Variants in FMN1 observed in about 807,000 individuals in gnomAD.
FMN1 encodes the protein formin-1.
FMN1 carries 110 observed loss-of-function variants against 132.4 expected under a neutral mutation model. The observed-to-expected ratio is 0.83, with a 90% CI of 0.71 to 0.97. The LOEUF (loss-of-function observed/expected upper bound fraction) is 0.97, where lower values mean the gene tolerates loss of function less well. Among genes scored for constraint, FMN1 ranks in the 50% least tolerant of loss-of-function variants. The probability of loss-of-function intolerance (pLI) is 0.00; values close to 1 mark genes in which losing one functional copy is unlikely to be tolerated. For missense variants in FMN1, 1,792 were observed against 1,705.3 expected (o/e 1.05, Z -0.90); for synonymous variants, 722 against 651.7 (o/e 1.11, Z -1.64).
chr15:32,811,531 T>C (rs1003371688), intron 17 of FMN1, among the ~76,000 whole-genome samples: 21 of 147,080 alleles, frequency 1.4e-4, no homozygotes, highest in African/African-American at 5.1e-4. Context: ...TTCAGAGTCA[T>C]AAAATAAAAA....
At chr15:33,123,106 CCTTT>C (rs1054798726) in intron 4 of FMN1, among the ~76,000 whole-genome samples, 1 of 150,922 alleles carries the variant, frequency 6.6e-6, no homozygotes, top group Non-Finnish European at 1.5e-5. Context: ...ATCTAGAATG[CCTTT>C]CTTTCAACGT....
intron 8 of FMN1, among the ~76,000 whole-genome samples, chr15:32,965,386 CAA>C (rs1224834579): frequency 6.6e-6 from 1 of 152,048 alleles, no homozygotes; most frequent in Non-Finnish European, 1.5e-5. Flanking sequence ...GGTAACAGAA[CAA>C]GAGTCCATCT....
intron 17 of FMN1, among the ~76,000 whole-genome samples, chr15:32,806,513 G>C (rs1322524804): frequency 6.6e-6 from 1 of 152,138 alleles, no homozygotes; most frequent in Non-Finnish European, 1.5e-5. Context: ...AAATGTAAAG[G>C]CTCCCCTGCT....
At chr15:32,855,808 G>A (rs898995644) in intron 17 of FMN1, among the ~76,000 whole-genome samples, 6 of 152,138 alleles carry the variant, frequency 3.9e-5, no homozygotes, top group African/African-American at 9.6e-5. Flanking sequence ...GGCTACTTAG[G>A]TTATATTTAC....
chr15:32,932,724 G>A (rs960672182), intron 9 of FMN1, among the ~76,000 whole-genome samples: 2 of 152,122 alleles, frequency 1.3e-5, no homozygotes, highest in Non-Finnish European at 2.9e-5. Context: ...ATTCAGTCCT[G>A]CTAGGTTGTA....
intron 2 of FMN1, among the ~76,000 whole-genome samples, chr15:33,184,755 C>T (rs62012807): frequency 0.15 from 22,446 of 152,066 alleles, 3,259 homozygotes; most frequent in African/African-American, 0.38. Flanking sequence ...CTGCCCACCT[C>T]GGCCTCCCAA....
chr15:32,924,831 T>C (rs949809223), intron 10 of FMN1, among the ~76,000 whole-genome samples: 2 of 152,306 alleles, frequency 1.3e-5, no homozygotes, highest in Admixed American at 6.5e-5. Context: ...GGAGAATCAC[T>C]TGAATCCGGG....
chr15:32,940,504 A>G (rs1277399690), intron 9 of FMN1, among the ~76,000 whole-genome samples: 7 of 152,070 alleles, frequency 4.6e-5, no homozygotes, highest in East Asian at 1.9e-4. Context: ...GGAGCTACTC[A>G]TAAGATCAGT....
chr15:32,957,160 A>G (rs766748981), intron 9 of FMN1, among the ~76,000 whole-genome samples: 3 of 152,178 alleles, frequency 2.0e-5, no homozygotes, highest in Non-Finnish European at 4.4e-5. Context: ...CTTACAGAAG[A>G]GGAAACAAAC....
chr15:33,138,112 C>T (rs1963850805), intron 4 of FMN1, among the ~76,000 whole-genome samples: 1 of 152,154 alleles, frequency 6.6e-6, no homozygotes, highest in South Asian at 2.1e-4. Context: ...ATTTGTTAAC[C>T]AGTATCCATA....
intron 9 of FMN1, among the ~76,000 whole-genome samples, chr15:32,930,022 T>G (rs987052910): frequency 7.2e-6 from 1 of 139,032 alleles, no homozygotes; most frequent in East Asian, 2.2e-4. Context: ...TGGAGTCTCG[T>G]TCTGTCATCT....
chr15:33,177,943 G>A (rs1471455826), intron 3 of FMN1, among the ~76,000 whole-genome samples: 4 of 152,180 alleles, frequency 2.6e-5, no homozygotes, highest in Non-Finnish European at 5.9e-5. Flanking sequence ...AGGAGGCAGA[G>A]GTTACAGTGA....
intron 19 of FMN1, among the ~76,000 whole-genome samples, chr15:32,779,269 A>C (rs1460810969): frequency 2.7e-5 from 4 of 148,514 alleles, no homozygotes; most frequent in African/African-American, 9.9e-5. Flanking sequence ...AAGTGATACT[A>C]ATGTGTATGG....
chr15:33,087,206 AAGG>A (rs939375777), intron 5 of FMN1, among the ~76,000 whole-genome samples: 98 of 152,358 alleles, frequency 6.4e-4, no homozygotes, highest in African/African-American at 2.1e-3. Context: ...AGTGCTTTCT[AAGG>A]AGGAGTCAAT....
intron 7 of FMN1, among the ~76,000 whole-genome samples, chr15:32,990,448 T>C (rs1054765575): frequency 2.0e-5 from 3 of 152,160 alleles, no homozygotes; most frequent in Non-Finnish European, 4.4e-5. Flanking sequence ...GACAATTACT[T>C]CATCTGTTTC....
chr15:33,093,546 C>T (rs2038976353), intron 4 of FMN1, among the ~76,000 whole-genome samples: 1 of 152,188 alleles, frequency 6.6e-6, no homozygotes, highest in African/African-American at 2.4e-5. Flanking sequence ...GATCAATGCT[C>T]ACTAATGCAA....
intron 17 of FMN1, among the ~76,000 whole-genome samples, chr15:32,852,870 A>G (rs2059041463): frequency 6.6e-6 from 1 of 152,166 alleles, no homozygotes; most frequent in African/African-American, 2.4e-5. Flanking sequence ...TTAGCAAGTC[A>G]TATTGTGACT....
At chr15:33,079,667 A>C (rs1038155382) in intron 5 of FMN1, among the ~76,000 whole-genome samples, 15 of 152,260 alleles carry the variant, frequency 9.9e-5, no homozygotes, top group African/African-American at 3.1e-4. Flanking sequence ...ATTATCTTTC[A>C]ATTTGTAGAG....
At chr15:32,941,212 A>G (rs1011333358) in intron 9 of FMN1, among the ~76,000 whole-genome samples, 1 of 152,208 alleles carries the variant, frequency 6.6e-6, no homozygotes, top group Non-Finnish European at 1.5e-5. Flanking sequence ...TTGGGGGGAA[A>G]AGTGGCTACT....
Sources: allele counts gnomAD v4.1 joint callset (sites outside exome capture counted in the v4.1 genomes callset), GRCh38; gene constraint gnomAD v4.1.1; transcripts MANE v1.5; gene names NCBI Gene and HGNC (gene_info 2026-07-23, HGNC 2026-07-21).